BEND6: variants seen among roughly 807,000 people sequenced by gnomAD.
BEND6 encodes BEN domain-containing protein 6.
A neutral mutation model predicts 31.8 loss-of-function variants in BEND6; 24 were observed. That is an observed-to-expected ratio of 0.75 (90% confidence interval 0.55 to 1.06). The LOEUF (loss-of-function observed/expected upper bound fraction) is 1.06. Ranked by LOEUF, BEND6 falls within the 50% of genes least tolerant of loss-of-function variation. The pLI is 0.00. For synonymous variants in BEND6, 109 were observed against 114.6 expected (o/e 0.95, Z 0.31); for missense variants, 294 against 327.4 (o/e 0.90, Z 0.79).
At chr6:56,999,440 A>T (rs1826843274) in intron 3 of BEND6, among the ~76,000 whole-genome samples, 1 of 152,172 alleles carries the variant, frequency 6.6e-6, no homozygotes, top group Non-Finnish European at 1.5e-5. Flanking sequence ...CATCTATTGC[A>T]CTCACTTTCC....
chr6:56,998,215 T>C (rs971391233), intron 3 of BEND6, among the ~76,000 whole-genome samples: 1 of 152,164 alleles, frequency 6.6e-6, no homozygotes, highest in African/African-American at 2.4e-5. Flanking sequence ...TGTATAATAC[T>C]ATTAAGAAAG....
chr6:57,021,727 G>C (rs1827749038), intron 6 of BEND6, among the ~76,000 whole-genome samples: 1 of 152,110 alleles, frequency 6.6e-6, no homozygotes. Context: ...TGACCAAACT[G>C]CCTTCTCCTG....
At chr6:57,006,280 A>G (rs1194379347) in intron 3 of BEND6, among the ~76,000 whole-genome samples, 1 of 152,216 alleles carries the variant, frequency 6.6e-6, no homozygotes, top group Non-Finnish European at 1.5e-5. Context: ...ACAAGTCAAC[A>G]TGGCCAGCTT....
rs1438323094 is a variant in BEND6, at chr6:57,004,484, G to A, written c.299-10649G>A. 14 of 658,538 alleles carry A rather than the reference G, an allele frequency of 2.1e-5. 1 individual carries two copies. Among genetic ancestry groups the A allele is most frequent in the Middle Eastern group, 8.1e-4 (2 of 2,480 alleles). 40.8% of individuals were successfully genotyped at this position (658,538 alleles called of 1,614,324 possible). ...TGCCTCCTCACCGCGCCCTGGGACC[G>A]TCCCAAGGCCTCTGCCGCTCCAGCT... On this transcript the variant is annotated intron_variant, in intron 3 of 6. Coordinates refer to ENST00000370746, the MANE Select transcript of BEND6 (RefSeq NM_152731.3).
chr6:56,981,191 A>G (rs141387664), intron 1 of BEND6, among the ~76,000 whole-genome samples: 3 of 152,090 alleles, frequency 2.0e-5, no homozygotes, highest in African/African-American at 2.4e-5. Context: ...TTTTTCCCCC[A>G]TTTCTTATGG....
intron 3 of BEND6, among the ~76,000 whole-genome samples, chr6:57,002,026 C>G (rs1826964185): frequency 6.6e-6 from 1 of 152,002 alleles, no homozygotes; most frequent in Non-Finnish European, 1.5e-5. Context: ...AGAAGTATCA[C>G]AAATCAAAAA....
Position 56,981,714 on chromosome 6 carries a change from A to C in BEND6, c.-97A>C. The C allele has an allele frequency of 7.1e-7, 1 of 1,411,544 alleles. No individual in the cohort carries two copies. The highest frequency in any genetic ancestry group is 9.7e-7 in the Non-Finnish European group (1 of 1,035,168). The allele number at this position is 1,411,544 out of a possible 1,614,324, so 87.4% of individuals were successfully genotyped here. ...TGTTTTTGTTTTTGTTTTTAAGGGA[A>C]AGCATTAACTTTTGAGCTACGTCCA... On this transcript the variant is annotated 5_prime_UTR_variant, in exon 2 of 7. Transcript: ENST00000370746.
chr6:57,014,063 T>C (rs1341877980), intron 3 of BEND6: 1 of 154,220 alleles, frequency 6.5e-6, no homozygotes, highest in East Asian at 1.9e-4. Context: ...CAATGAGTAT[T>C]GGATGAAAGA....
rs1382295606 is a variant in BEND6 at position 57,026,706 on chromosome 6, G to T, written c.*634G>T. On this transcript the variant is annotated 3_prime_UTR_variant, in exon 7 of 7. Coordinates refer to ENST00000370746, the MANE Select transcript of BEND6 (RefSeq NM_152731.3). Reference sequence around the variant, plus strand: ...AATATGAAAAAAATGACAACAGCAAGATGTTTTATTTTAATGTTAAGCAAT... The same window carrying T: ...AATATGAAAAAAATGACAACAGCAATATGTTTTATTTTAATGTTAAGCAAT... 1 of 152,166 alleles carries T rather than the reference G, an allele frequency of 6.6e-6. No individual in the cohort carries two copies. The highest frequency in any genetic ancestry group is 2.4e-5 in the African/African-American group (1 of 41,440). 9.4% of individuals were successfully genotyped at this position (152,166 alleles called of 1,614,324 possible).
intron 2 of BEND6, among the ~76,000 whole-genome samples, chr6:56,982,673 G>T (rs924289084): frequency 1.3e-5 from 2 of 151,662 alleles, no homozygotes; most frequent in Non-Finnish European, 2.9e-5. Flanking sequence ...ACATTCTTAA[G>T]GTTTAAAATA....
chr6:56,973,128 C>T (rs1412044407), intron 1 of BEND6, among the ~76,000 whole-genome samples: 1 of 152,166 alleles, frequency 6.6e-6, no homozygotes, highest in African/African-American at 2.4e-5. Context: ...GTTGAGAGAA[C>T]CCTTCCTGGA....
chr6:56,992,410 T>C lies in BEND6; in HGVS notation c.153T>C (p.Pro51=). ...RDPYSGNAFL[P]GESSSEDEEP... Reference sequence around the variant, plus strand: ...CATATTCGGGAAATGCCTTTCTGCCTGGTGAAAGCTCCAGTGAGGATGAAG... The same window carrying C: ...CATATTCGGGAAATGCCTTTCTGCCCGGTGAAAGCTCCAGTGAGGATGAAG... Residue 51 remains proline (P), a synonymous_variant, in exon 3 of 7, where the codon CCT becomes CCC. Coordinates refer to ENST00000370746, the MANE Select transcript of BEND6 (RefSeq NM_152731.3). 1 of 1,611,722 alleles carries C rather than the reference T, an allele frequency of 6.2e-7. No individual in the cohort carries two copies. Among genetic ancestry groups the C allele is most frequent in the Non-Finnish European group, 8.5e-7 (1 of 1,179,514 alleles).
intron 1 of BEND6, among the ~76,000 whole-genome samples, chr6:56,975,049 T>C (rs1354568421): frequency 6.6e-6 from 1 of 151,846 alleles, no homozygotes; most frequent in Non-Finnish European, 1.5e-5. Flanking sequence ...ACCTGGGAGG[T>C]GGAGGCTGCA....
At chr6:57,021,837 T>TG (rs1287987404) in intron 6 of BEND6, among the ~76,000 whole-genome samples, 1 of 151,920 alleles carries the variant, frequency 6.6e-6, no homozygotes, top group African/African-American at 2.4e-5. Flanking sequence ...GCTAAAATGG[T>TG]GGGGGGCGGC....
intron 6 of BEND6, among the ~76,000 whole-genome samples, chr6:57,019,712 C>T (rs1475641894): frequency 1.3e-4 from 20 of 152,186 alleles, no homozygotes; most frequent in Admixed American, 1.3e-3. Context: ...GAAACAAAAA[C>T]ATAAACAAAT....
chr6:57,012,384 G>A (rs1322617521), intron 3 of BEND6, among the ~76,000 whole-genome samples: 1 of 152,200 alleles, frequency 6.6e-6, no homozygotes. Flanking sequence ...AGCTAAAGAA[G>A]TCAGATTAGT....
At chr6:57,004,372 C>A in intron 3 of BEND6, 2 of 479,360 alleles carry the variant, frequency 4.2e-6, no homozygotes, top group Non-Finnish European at 3.8e-6. Context: ...ACCGTGGGTC[C>A]CCAAGGTTTC....
At chr6:57,013,667 C>A (rs1287185474) in intron 3 of BEND6, 1 of 152,570 alleles carries the variant, frequency 6.6e-6, no homozygotes, top group African/African-American at 2.4e-5. Context: ...GGCGAAGATA[C>A]TCCTGTCAGT....
intron 2 of BEND6, among the ~76,000 whole-genome samples, chr6:56,987,102 C>T (rs1408792352): frequency 1.3e-5 from 2 of 151,886 alleles, no homozygotes; most frequent in Admixed American, 1.3e-4. Flanking sequence ...CTCAGCCTCC[C>T]AAGTAGCTGG....
Sources: allele counts gnomAD v4.1 joint callset (sites outside exome capture counted in the v4.1 genomes callset), GRCh38; gene constraint gnomAD v4.1.1; transcripts MANE v1.5; gene names NCBI Gene and HGNC (gene_info 2026-07-23, HGNC 2026-07-21).